EPC1: variants seen among roughly 807,000 people sequenced by gnomAD.
The protein encoded by EPC1 is enhancer of polycomb homolog 1.
A neutral mutation model predicts 98.4 loss-of-function variants in EPC1; 12 were observed. The ratio of observed to expected loss-of-function variants is 0.12; its 90% CI spans 0.08 to 0.20. The LOEUF is 0.20. Among genes scored for constraint, EPC1 ranks in the 10% least tolerant of loss-of-function variants. The probability of loss-of-function intolerance (pLI) is 1.00; values close to 1 mark genes in which losing one functional copy is unlikely to be tolerated. For missense variants in EPC1, 729 were observed against 990.5 expected (o/e 0.74, Z 3.54); for synonymous variants, 357 against 363.9 (o/e 0.98, Z 0.21).
intron 6 of EPC1, among the ~76,000 whole-genome samples, chr10:32,289,270 A>G (rs191050397): frequency 1.6e-3 from 244 of 152,300 alleles, no homozygotes; most frequent in South Asian, 7.3e-3. Flanking sequence ...TGAAGAGAAT[A>G]ACGAGAATAA....
intron 1 of EPC1, among the ~76,000 whole-genome samples, chr10:32,328,627 C>CA (rs1388147836): frequency 2.0e-5 from 3 of 152,146 alleles, no homozygotes; most frequent in Admixed American, 6.5e-5. Flanking sequence ...CCAACAGCCA[C>CA]AAAAAACAAT....
chr10:32,324,717 G>C (rs867448793), intron 1 of EPC1, among the ~76,000 whole-genome samples: 8 of 152,038 alleles, frequency 5.3e-5, no homozygotes, highest in African/African-American at 1.9e-4. Flanking sequence ...ATTTTAGCCG[G>C]GCGCGGTGGC....
chr10:32,292,214 C>T (rs559396380), intron 5 of EPC1: 128 of 187,606 alleles, frequency 6.8e-4, no homozygotes, highest in African/African-American at 2.9e-3. Context: ...AGAAGCAGTA[C>T]TATCAATTAA....
At chr10:32,360,911 A>G (rs1184415689) in intron 1 of EPC1, among the ~76,000 whole-genome samples, 2 of 145,068 alleles carry the variant, frequency 1.4e-5, no homozygotes, top group Non-Finnish European at 3.0e-5. Flanking sequence ...AAAAAAAAGT[A>G]TAGACAATCA....
intron 1 of EPC1, chr10:32,346,511 G>C (rs957727543): frequency 6.1e-6 from 3 of 493,170 alleles, no homozygotes; most frequent in African/African-American, 2.0e-5. Flanking sequence ...TGTGCCTTTC[G>C]GGCCCCCGAA....
At chr10:32,284,642 G>A in intron 10 of EPC1, 56 bp downstream of exon 10, 1 of 1,390,710 alleles carries the variant, frequency 7.2e-7, no homozygotes, top group South Asian at 1.3e-5. Context: ...GAACAAATGG[G>A]AAATGGTTGG....
chr10:32,347,117 A>C lies in EPC1; in HGVS notation c.-202T>G. ...CGCTCCTCTCTCGCTCGCTCTCTTC[A>C]ATACGCCATGGCCAACATGGCGGAC... On this transcript the variant is annotated 5_prime_UTR_variant, in exon 1 of 14. It adds an upstream start codon to the 5' untranslated region. Transcript: ENST00000319778. The C allele has an allele frequency of 7.0e-7, 1 of 1,435,220 alleles. No homozygotes were observed. Among genetic ancestry groups the C allele is most frequent in the Non-Finnish European group, 9.1e-7 (1 of 1,099,910 alleles). The allele number at this position is 1,435,220 out of a possible 1,614,324, so 88.9% of individuals were successfully genotyped here.
intron 1 of EPC1, among the ~76,000 whole-genome samples, chr10:32,330,420 C>T (rs1326157569): frequency 6.6e-6 from 1 of 152,196 alleles, no homozygotes; most frequent in African/African-American, 2.4e-5. Context: ...GCAGCCCACA[C>T]CCATTTGTTA....
chr10:32,314,703 T>C (rs1381426623), intron 1 of EPC1, among the ~76,000 whole-genome samples: 1 of 152,214 alleles, frequency 6.6e-6, no homozygotes, highest in Non-Finnish European at 1.5e-5. Flanking sequence ...AAACAGGCCA[T>C]ATCACTAATG....
chr10:32,293,860 GT>G (rs1038522794), intron 2 of EPC1, 123 bp from the exon 3 acceptor site: 19 of 939,902 alleles, frequency 2.0e-5, no homozygotes, highest in Admixed American at 3.1e-5. Flanking sequence ...CTTGGATTTT[GT>G]TTTCAGAGTC....
intron 1 of EPC1, among the ~76,000 whole-genome samples, chr10:32,329,038 G>A (rs1225911741): frequency 1.3e-5 from 2 of 152,146 alleles, no homozygotes; most frequent in African/African-American, 2.4e-5. Context: ...TGAGAAGAAG[G>A]GTAAGCCAAA....
At chr10:32,345,539 T>C (rs768723428) in intron 1 of EPC1, 410 of 985,378 alleles carry the variant, frequency 4.2e-4, no homozygotes, top group South Asian at 5.2e-4. Flanking sequence ...GTCAATACAC[T>C]GCACCCTGTT....
At chr10:32,346,530 G>C in intron 1 of EPC1, 2 of 529,264 alleles carry the variant, frequency 3.8e-6, no homozygotes, top group Non-Finnish European at 6.7e-6. Flanking sequence ...AACTCCGCGG[G>C]ACCCGGGTAC....
At chr10:32,346,568 AGAAGGG>A in intron 1 of EPC1, 189 bp downstream of exon 1, 1 of 600,472 alleles carries the variant, frequency 1.7e-6, no homozygotes, top group South Asian at 2.0e-5. Flanking sequence ...GGGTGGCCTT[AGAAGGG>A]GCCCCGCTGG....
At chr10:32,364,922 T>C (rs1839555395) in intron 1 of EPC1, among the ~76,000 whole-genome samples, 1 of 151,966 alleles carries the variant, frequency 6.6e-6, no homozygotes, top group African/African-American at 2.4e-5. Flanking sequence ...TTTTTTTTTT[T>C]TTTTAGCTCA....
At chr10:32,314,387 A>G (rs1836432919) in intron 1 of EPC1, among the ~76,000 whole-genome samples, 1 of 152,176 alleles carries the variant, frequency 6.6e-6, no homozygotes, top group Admixed American at 6.5e-5. Context: ...CCCAGCTCCA[A>G]AAGTATTCAC....
intron 1 of EPC1, among the ~76,000 whole-genome samples, chr10:32,339,493 C>T (rs1358348637): frequency 6.6e-6 from 1 of 152,048 alleles, no homozygotes; most frequent in Non-Finnish European, 1.5e-5. Flanking sequence ...GGCAATGAGC[C>T]GAGATCATGC....
intron 1 of EPC1, among the ~76,000 whole-genome samples, chr10:32,321,409 T>C (rs1188040498): frequency 6.6e-6 from 1 of 151,966 alleles, no homozygotes; most frequent in Non-Finnish European, 1.5e-5. Context: ...GCAGTGGCTA[T>C]TAACAAGCAC....
At chr10:32,346,729 T>G in intron 1 of EPC1, 34 bp downstream of exon 1, 1 of 1,600,336 alleles carries the variant, frequency 6.2e-7, no homozygotes, top group Non-Finnish European at 8.6e-7. Flanking sequence ...GGAGCGGGCC[T>G]GACGGTGGGT....
Sources: allele counts gnomAD v4.1 joint callset (sites outside exome capture counted in the v4.1 genomes callset), GRCh38; gene constraint gnomAD v4.1.1; transcripts MANE v1.5; gene names NCBI Gene and HGNC (gene_info 2026-07-23, HGNC 2026-07-21).